Variants in COL28A1 observed in about 807,000 individuals in gnomAD.
COL28A1 encodes the protein collagen alpha-1(XXVIII) chain.
COL28A1 carries 161 observed loss-of-function variants against 150.2 expected under a neutral mutation model. The observed-to-expected ratio is 1.07, with a 90% CI of 0.94 to 1.22. The LOEUF (loss-of-function observed/expected upper bound fraction) is 1.22, where lower values mean the gene tolerates loss of function less well. Ranked by LOEUF, COL28A1 falls within the 50% of genes most tolerant of loss-of-function variation. The probability of loss-of-function intolerance (pLI) is 0.00; values close to 1 mark genes in which losing one functional copy is unlikely to be tolerated. For synonymous variants in COL28A1, 552 were observed against 469.7 expected, an observed-to-expected ratio of 1.18 and a Z score of -2.26; for missense variants, 1,617 against 1,388.3, an observed-to-expected ratio of 1.16 and a Z score of -2.62.
downstream of COL28A1, among the ~76,000 whole-genome samples, chr7:7,355,484 G>A (rs1037461500): frequency 6.6e-5 from 10 of 151,950 alleles, no homozygotes; most frequent in African/African-American, 2.4e-4. Context: ...GTGGCAGGCG[G>A]CTGTAGTCCT....
chr7:7,379,707 C>T (rs80317220), intron 30 of COL28A1, among the ~76,000 whole-genome samples: 7,066 of 152,280 alleles, frequency 0.046, 297 homozygotes, highest in East Asian at 0.21. Context: ...CCTCTCCCCA[C>T]GTTGGGACAG....
chr7:7,507,500 G>T (rs1428565912), intron 9 of COL28A1, among the ~76,000 whole-genome samples: 1 of 152,164 alleles, frequency 6.6e-6, no homozygotes, highest in Non-Finnish European at 1.5e-5. Flanking sequence ...TTCCGACAGG[G>T]TAATGTCAGT....
At chr7:7,426,673 C>G (rs1784657139) in intron 25 of COL28A1, among the ~76,000 whole-genome samples, 1 of 152,204 alleles carries the variant, frequency 6.6e-6, no homozygotes, top group South Asian at 2.1e-4. Flanking sequence ...TTTTCAATTA[C>G]TTGAATCAAT....
At chr7:7,423,043 C>T (rs1784462669) in intron 25 of COL28A1, among the ~76,000 whole-genome samples, 1 of 152,120 alleles carries the variant, frequency 6.6e-6, no homozygotes, top group Admixed American at 6.5e-5. Flanking sequence ...GTAAGACAAG[C>T]TTGGAAATGT....
intron 13 of COL28A1, among the ~76,000 whole-genome samples, chr7:7,487,584 T>C (rs563734660): frequency 6.6e-6 from 1 of 152,060 alleles, no homozygotes; most frequent in Admixed American, 6.5e-5. Context: ...TTAAAAAAAA[T>C]TAATTATGAC....
intron 23 of COL28A1, among the ~76,000 whole-genome samples, chr7:7,434,896 G>C (rs977254159): frequency 6.6e-6 from 1 of 152,138 alleles, no homozygotes. Context: ...TGGAAACCTA[G>C]TATTTTGAAA....
chr7:7,426,421 C>G lies in COL28A1; in HGVS notation c.1998+6052G>C, dbSNP rs146195431. Among the ~76,000 whole-genome samples, 193 of 152,218 alleles carry G rather than the reference C, an allele frequency of 1.3e-3. 1 individual carries two copies. The highest frequency in any genetic ancestry group is 4.3e-3 in the African/African-American group (180 of 41,534). On this transcript the variant is annotated intron_variant, in intron 25 of 34. Transcript: ENST00000399429. ...AGAATGTCAATGGAAGTTTTAGAGG[C>G]TTTTTTCTAAGTATATGCACATATT...
At chr7:7,487,071 G>A (rs1308262173) in intron 13 of COL28A1, among the ~76,000 whole-genome samples, 2 of 151,978 alleles carry the variant, frequency 1.3e-5, no homozygotes, top group Non-Finnish European at 2.9e-5. Flanking sequence ...AGTAGTAAAT[G>A]TACTAAGTAT....
At position 7,370,795 on chromosome 7, in the gene COL28A1, G is replaced by C; in HGVS notation, c.2996C>G (p.Pro999Arg). ...TTCTTCCCCTGACATCCCAAATCCAGGTTGAGGTGACGATGAACCAAAAAT... is the reference window on the plus strand; with the variant it reads ...TTCTTCCCCTGACATCCCAAATCCACGTTGAGGTGACGATGAACCAAAAAT... ...VQIFGSSSPQ[P>R]GFGMSGEELS... Residue 999 changes from proline (P) to arginine (R), a missense_variant, in exon 33 of 35, where the codon CCT becomes CGT. Physicochemically the swap from Pro to Arg is moderately radical, Grantham distance 103 (BLOSUM62 -2). Transcript: ENST00000399429. The C allele has an allele frequency of 1.2e-6, 2 of 1,613,626 alleles. No homozygotes were observed. Among genetic ancestry groups the C allele is most frequent in the African/African-American group, 1.3e-5 (1 of 74,970 alleles).
chr7:7,524,073 G>A (rs1366394824), intron 4 of COL28A1, among the ~76,000 whole-genome samples, 156 bp downstream of exon 4: 1 of 152,146 alleles, frequency 6.6e-6, no homozygotes, highest in African/African-American at 2.4e-5. Flanking sequence ...TAGTATAAAA[G>A]AAATCAGATG....
chr7:7,434,287 G>A (rs1186519741), intron 23 of COL28A1, among the ~76,000 whole-genome samples: 1 of 152,168 alleles, frequency 6.6e-6, no homozygotes, highest in African/African-American at 2.4e-5. Flanking sequence ...TGGTCTTCAG[G>A]ACAGGTAAAT....
At chr7:7,361,081 T>G (rs73345230) in intron 33 of COL28A1, among the ~76,000 whole-genome samples, 10,053 of 144,932 alleles carry the variant, frequency 0.069, 1,170 homozygotes, top group African/African-American at 0.24. Flanking sequence ...TTTTGATTGC[T>G]TACCCAAATC....
intron 27 of COL28A1, among the ~76,000 whole-genome samples, chr7:7,393,077 T>C (rs1247545434): frequency 5.3e-5 from 8 of 152,152 alleles, no homozygotes. Flanking sequence ...TGTGCTTGTT[T>C]TTCCTCATCT....
chr7:7,447,714 A>C (rs1786368563), intron 18 of COL28A1, among the ~76,000 whole-genome samples: 1 of 152,210 alleles, frequency 6.6e-6, no homozygotes, highest in African/African-American at 2.4e-5. Flanking sequence ...AAAACACTGG[A>C]CAGAATTAAA....
At chr7:7,419,164 G>C (rs530787835) in intron 26 of COL28A1, among the ~76,000 whole-genome samples, 39 of 152,278 alleles carry the variant, frequency 2.6e-4, no homozygotes, top group African/African-American at 8.9e-4. Flanking sequence ...GCAACTGAAT[G>C]AACAATTAAA....
At chr7:7,348,666 CTT>C in the COL28A1 span, among the ~76,000 whole-genome samples, 2 of 151,656 alleles carry the variant, frequency 1.3e-5, no homozygotes, top group Admixed American at 6.6e-5. Flanking sequence ...ATTATTCGCT[CTT>C]CTTTTCTCAT....
chr7:7,399,645 A>G (rs1416377641), intron 27 of COL28A1, among the ~76,000 whole-genome samples: 1 of 136,788 alleles, frequency 7.3e-6, no homozygotes, highest in Non-Finnish European at 1.5e-5. Context: ...TGGAAAAGAA[A>G]TAATAAAATA....
chr7:7,441,048 A>C (rs943872194), intron 20 of COL28A1, among the ~76,000 whole-genome samples, 187 bp from the exon 21 acceptor site: 4 of 152,216 alleles, frequency 2.6e-5, no homozygotes, highest in Non-Finnish European at 4.4e-5. Context: ...CAGATTGTTC[A>C]GCCTTTACTA....
upstream of COL28A1, among the ~76,000 whole-genome samples, chr7:7,538,615 T>C (rs769159011): frequency 1.3e-5 from 2 of 152,170 alleles, no homozygotes; most frequent in South Asian, 2.1e-4. Context: ...CTAGTACCAG[T>C]GCCAACATCT....
Sources: gnomAD v4.1 joint callset for allele counts (sites outside exome capture counted in the v4.1 genomes callset) on GRCh38, gnomAD v4.1.1 for gene constraint, MANE v1.5 for transcripts, NCBI Gene and HGNC (gene_info 2026-07-23, HGNC 2026-07-21) for gene names.